LYSMD4: variants seen among roughly 807,000 people sequenced by gnomAD.
LYSMD4 encodes lysM and putative peptidoglycan-binding domain-containing protein 4.
Under a neutral mutation model 6.1 loss-of-function variants are expected in LYSMD4, and 9 were observed. The ratio of observed to expected loss-of-function variants is 1.47; its 90% confidence interval spans 0.88 to 2.56. LYSMD4 has a LOEUF of 2.56. Among genes scored for constraint, LYSMD4 ranks in the 30% most tolerant of loss-of-function variants. The pLI, the probability that LYSMD4 is intolerant of heterozygous loss-of-function variation, is 0.00. For synonymous variants in LYSMD4, 143 were observed against 148.5 expected (o/e 0.96, Z 0.27); for missense variants, 384 against 373.5 (o/e 1.03, Z -0.23).
upstream of LYSMD4, among the ~76,000 whole-genome samples, chr15:99,719,978 G>A (rs2059225793): frequency 2.0e-5 from 3 of 152,138 alleles, no homozygotes; most frequent in Admixed American, 6.5e-5. Context: ...TCTTTCAAGT[G>A]TGTGAATTTC....
chr15:99,731,549 T>G, intron 2 of LYSMD4, 169 bp downstream of exon 2: 1 of 1,536,508 alleles, frequency 6.5e-7, no homozygotes, highest in Non-Finnish European at 8.7e-7. Context: ...CTAAAGGTAC[T>G]CCCACCTGCA....
chr15:99,729,410 G>C lies in LYSMD4; in HGVS notation c.604C>G (p.Pro202Ala). The change falls in exon 3 of 3, where the codon CCG (proline) becomes GCG (alanine). Residue 202 changes from proline (P) to alanine (A), a missense_variant. Coordinates refer to ENST00000684762, the MANE Select transcript of LYSMD4 (RefSeq NM_001284417.2). Reference protein sequence around the residue: ...CMDTSHQPLLPAPPKTPMDGA... With the variant: ...CMDTSHQPLLAAPPKTPMDGA... ...TCCATAGGCGTCTTCGGAGGTGCCG[G>C]GAGCAGTGGCTGATGGGAGGTGTCC... The C allele has an allele frequency of 2.5e-6, 4 of 1,614,184 alleles. No homozygotes were observed. The highest frequency in any genetic ancestry group is 3.4e-6 in the Non-Finnish European group (4 of 1,180,032).
intron 1 of LYSMD4, among the ~76,000 whole-genome samples, chr15:99,732,715 C>T (rs562037611): frequency 6.6e-6 from 1 of 152,226 alleles, no homozygotes; most frequent in African/African-American, 2.4e-5. Context: ...ATTCCAGAAA[C>T]GAAATCTCAA....
intron 1 of LYSMD4, 143 bp from the exon 2 acceptor site, chr15:99,732,150 AG>A: frequency 3.4e-6 from 3 of 887,048 alleles, no homozygotes; most frequent in Non-Finnish European, 5.0e-6. Flanking sequence ...CAGAAAAAAA[AG>A]AATGTGCTTA....
At chr15:99,718,940 C>T (rs900062547), upstream of LYSMD4, among the ~76,000 whole-genome samples, 2 of 146,380 alleles carry the variant, frequency 1.4e-5, no homozygotes, top group Admixed American at 6.9e-5. Flanking sequence ...CACACACACA[C>T]ATCCATCCAT....
downstream of LYSMD4, among the ~76,000 whole-genome samples, chr15:99,724,038 A>G (rs1055738419): frequency 1.4e-4 from 21 of 151,014 alleles, 1 homozygote; most frequent in African/African-American, 4.5e-4. Flanking sequence ...CCCTGTCTAC[A>G]TAGTCCCCCG....
chr15:99,729,409 G>A lies in LYSMD4; in HGVS notation c.605C>T (p.Pro202Leu), dbSNP rs148658487. The change falls in exon 3 of 3, where the codon CCG becomes CTG. Residue 202 changes from proline to leucine, a missense_variant. By Grantham distance (98) the Pro-to-Leu change is moderately conservative. Coordinates refer to ENST00000684762, the MANE Select transcript of LYSMD4 (RefSeq NM_001284417.2). ...CMDTSHQPLL[P>L]APPKTPMDGA... ...ATCCATAGGCGTCTTCGGAGGTGCC[G>A]GGAGCAGTGGCTGATGGGAGGTGTC... The A allele has an allele frequency of 6.3e-5, 101 of 1,614,056 alleles. No individual in the cohort carries two copies. The highest frequency in any genetic ancestry group is 5.2e-5 in the Non-Finnish European group (61 of 1,180,042).
rs755816764 is a variant in LYSMD4 at position 99,731,891 on chromosome 15, C to T, written c.109G>A (p.Asp37Asn). 2.5e-6 allele frequency: 4 copies of T among 1,613,536 alleles called. No homozygotes were observed. Among genetic ancestry groups the T allele is most frequent in the Admixed American group, 1.7e-5 (1 of 60,028 alleles). Residue 37 changes from aspartate (D) to asparagine (N), a missense_variant, in exon 2 of 3, where the codon GAC (aspartate) becomes AAC (asparagine). Transcript: ENST00000684762. The stretch of plus-strand genomic sequence containing the variant: ...CGGTGAGACTCTTCTTCAGAAGAGT[C>T]CCCCGAGTCCCCACTGCCATTCTTA... ...MFKNGSGDSG[D>N]SSEEESHRVV...
At chr15:99,721,323 GGAGGAGCACT>G (rs2059236286), upstream of LYSMD4, among the ~76,000 whole-genome samples, 1 of 152,164 alleles carries the variant, frequency 6.6e-6, no homozygotes, top group South Asian at 2.1e-4. Flanking sequence ...TAGGGAGGAG[GGAGGAGCACT>G]GATCTCAAAG....
chr15:99,716,730 G>A (rs551162976), exon 1 of LYSMD4: 4 of 456,366 alleles, frequency 8.8e-6, no homozygotes, highest in African/African-American at 6.0e-5. Context: ...GAAGCAGTGG[G>A]CCACGCAGTC....
intron 2 of LYSMD4, among the ~76,000 whole-genome samples, chr15:99,730,881 A>T (rs2059391205): frequency 6.6e-6 from 1 of 152,244 alleles, no homozygotes; most frequent in South Asian, 2.1e-4. Context: ...GTATGCCTGC[A>T]GAAGCTGCTT....
rs888613143 is a variant in LYSMD4 at position 99,731,621 on chromosome 15, G to A, written c.282+97C>T. ...TACAGCAGGCCTCTCCTGACGGCCT[G>A]GCAGGGTTAAGAAGGGCGGCAAGGG... is the stretch of plus-strand genomic sequence containing the variant. On this transcript the variant is annotated intron_variant, in intron 2 of 2. Coordinates refer to ENST00000684762, the MANE Select transcript of LYSMD4 (RefSeq NM_001284417.2). The A allele has an allele frequency of 2.0e-6, 3 of 1,522,200 alleles. No individual in the cohort carries two copies. The African/African-American group carries it at 4.2e-5, about 21-fold the overall frequency. The allele number at this position is 1,522,200 out of a possible 1,614,324, so 94.3% of individuals were successfully genotyped here.
Position 99,729,199 on chromosome 15 carries a change from G to A in LYSMD4, c.815C>T (p.Pro272Leu), listed in dbSNP as rs762878279. 8 of 1,614,218 alleles carry A rather than the reference G, an allele frequency of 5.0e-6. No individual in the cohort carries two copies. In the Admixed American group the frequency reaches 1.0e-4, roughly 20 times the overall value. Residue 272 changes from proline to leucine, a missense_variant, in exon 3 of 3, where the codon CCC becomes CTC. Transcript: ENST00000684762. ...GGCTGGCACTGCAACTGCTAGTCTG[G>A]GGGCTTGCCCTGGAACTGTACCCAT... is the stretch of plus-strand genomic sequence containing the variant. ...MAMGTVPGQA[P>L]RLAVAVPAVT...
intron 2 of LYSMD4, chr15:99,731,478 G>C (rs1417321926): frequency 3.8e-6 from 6 of 1,596,548 alleles, no homozygotes; most frequent in Non-Finnish European, 5.1e-6. Context: ...AGGAAAAGGA[G>C]AAGTTCCCTG....
chr15:99,725,583 C>T (rs2059271870), downstream of LYSMD4, among the ~76,000 whole-genome samples: 1 of 152,142 alleles, frequency 6.6e-6, no homozygotes, highest in Non-Finnish European at 1.5e-5. Flanking sequence ...TTCACTGGCT[C>T]AGAGGCTAAA....
chr15:99,730,741 T>G (rs1451755214), intron 2 of LYSMD4, among the ~76,000 whole-genome samples: 1 of 152,208 alleles, frequency 6.6e-6, no homozygotes, highest in Admixed American at 6.5e-5. Context: ...ATAGGAAAAC[T>G]GATCACTTAT....
At chr15:99,726,881 AGATCAATCAGT>A (rs1227208912), downstream of LYSMD4, among the ~76,000 whole-genome samples, 6 of 152,338 alleles carry the variant, frequency 3.9e-5, no homozygotes, top group East Asian at 1.2e-3. Context: ...GCCTGTATAC[AGATCAATCAGT>A]GATCAATCAT....
downstream of LYSMD4, among the ~76,000 whole-genome samples, chr15:99,726,147 T>TTTTTTC (rs1555507905): frequency 1.6e-4 from 1 of 6,350 alleles, no homozygotes; most frequent in Non-Finnish European, 9.2e-4. Context: ...TCTCAAGTGG[T>TTTTTTC]TTTTTTTTTT....
At position 99,733,391 on chromosome 15, in the gene LYSMD4, C is replaced by CCGCGACT. The variant is rs1567560462; in HGVS notation, c.-56_-55insAGTCGCG. 1.5e-5 allele frequency: 6 copies of CCGCGACT among 394,512 alleles called. No individual in the cohort carries two copies. Among genetic ancestry groups the CCGCGACT allele is most frequent in the South Asian group, 1.3e-4 (1 of 7,840 alleles). 24.4% of individuals were successfully genotyped at this position (394,512 alleles called of 1,614,324 possible). ...CGACCGGCGACCGGCGACTCGCGACCCGCGACCCGCGACCCGCAGCTGCCA... is the reference window on the plus strand; with the variant it reads ...CGACCGGCGACCGGCGACTCGCGACCCGCGACTCGCGACCCGCGACCCGCAGCTGCCA... On this transcript the variant is annotated 5_prime_UTR_variant, in exon 1 of 3. Coordinates refer to ENST00000684762, the MANE Select transcript of LYSMD4 (RefSeq NM_001284417.2).
Sources: gnomAD v4.1 joint callset for allele counts (sites outside exome capture counted in the v4.1 genomes callset) on GRCh38, gnomAD v4.1.1 for gene constraint, MANE v1.5 for transcripts, NCBI Gene and HGNC (gene_info 2026-07-23, HGNC 2026-07-21) for gene names.